The following NRXN1 variants were observed in gnomAD, a reference collection of about 807,000 sequenced individuals.
NRXN1 encodes the protein neurexin-1.
Under a neutral mutation model 150.9 loss-of-function variants are expected in NRXN1, and 39 were observed. That is an observed-to-expected ratio of 0.26 (90% CI 0.20 to 0.34). The LOEUF (loss-of-function observed/expected upper bound fraction) is 0.34. Among genes scored for constraint, NRXN1 ranks in the 10% least tolerant of loss-of-function variants. NRXN1 has a pLI of 1.00. For missense variants in NRXN1, 1,815 were observed against 1,949.9 expected (o/e 0.93, Z 1.30); for synonymous variants, 924 against 757.0 (o/e 1.22, Z -3.62).
At chr2:50,185,043 C>T (rs955641896) in intron 18 of NRXN1, among the ~76,000 whole-genome samples, 1 of 151,994 alleles carries the variant, frequency 6.6e-6, no homozygotes, top group African/African-American at 2.4e-5. Flanking sequence ...GTAGTGTGAC[C>T]TTGGAGGAGA....
rs1414594099 is a variant in NRXN1 at position 50,461,245 on chromosome 2, T to C, written c.3364+4197A>G. On this transcript the variant is annotated intron_variant, in intron 17 of 22. Coordinates refer to ENST00000401669, the MANE Select transcript of NRXN1 (RefSeq NM_001330078.2). ...AAATTCCTATCAGAAAGATTTTCTC[T>C]TGGCAAAGTTTAGGATTCTGAAAAC... 5.9e-5 allele frequency among the ~76,000 whole-genome samples: 9 copies of C among 152,074 alleles called. No homozygotes were observed. The East Asian group carries it at 1.7e-3, about 29-fold the overall frequency.
chr2:50,223,092 T>C (rs576955091), intron 18 of NRXN1, among the ~76,000 whole-genome samples: 9 of 152,070 alleles, frequency 5.9e-5, no homozygotes, highest in African/African-American at 2.2e-4. Context: ...CAGCCTGTCA[T>C]AAAATATTAT....
chr2:50,794,840 A>G (rs995620399), intron 5 of NRXN1, among the ~76,000 whole-genome samples: 4 of 152,234 alleles, frequency 2.6e-5, no homozygotes, highest in African/African-American at 9.6e-5. Context: ...TTTTTGAAAC[A>G]CAATTTTTTC....
intron 17 of NRXN1, among the ~76,000 whole-genome samples, chr2:50,365,521 T>A (rs2079523474): frequency 6.6e-6 from 1 of 152,068 alleles, no homozygotes; most frequent in Non-Finnish European, 1.5e-5. Flanking sequence ...GTGAATTACT[T>A]TTATGCCATA....
chr2:49,989,814 T>C (rs137898854), intron 21 of NRXN1, among the ~76,000 whole-genome samples: 131 of 152,296 alleles, frequency 8.6e-4, no homozygotes, highest in African/African-American at 3.0e-3. Flanking sequence ...ACCAATAAGA[T>C]GGTTTGACAT....
intron 8 of NRXN1, among the ~76,000 whole-genome samples, chr2:50,600,523 C>A (rs1676085244): frequency 6.6e-6 from 1 of 152,026 alleles, no homozygotes; most frequent in African/African-American, 2.4e-5. Context: ...CGGGGTTTCA[C>A]CATGTTGACC....
At chr2:50,176,998 A>G (rs1365468700) in intron 18 of NRXN1, among the ~76,000 whole-genome samples, 1 of 152,176 alleles carries the variant, frequency 6.6e-6, no homozygotes, top group Non-Finnish European at 1.5e-5. Flanking sequence ...AAAAGAGAAG[A>G]CATACATTAT....
At chr2:50,625,842 T>G (rs542796249) in intron 5 of NRXN1, among the ~76,000 whole-genome samples, 2 of 152,054 alleles carry the variant, frequency 1.3e-5, no homozygotes, top group African/African-American at 2.4e-5. Flanking sequence ...GTTGATACGC[T>G]GGTGATAAAT....
chr2:50,725,467 T>G (rs1697225274), intron 5 of NRXN1, among the ~76,000 whole-genome samples: 3 of 152,112 alleles, frequency 2.0e-5, no homozygotes. Context: ...CCACACTGAT[T>G]ACAGGTATTG....
intron 17 of NRXN1, among the ~76,000 whole-genome samples, chr2:50,452,623 G>C (rs2087080866): frequency 6.6e-6 from 1 of 152,088 alleles, no homozygotes; most frequent in South Asian, 2.1e-4. Context: ...TGGTAAACTG[G>C]AATCAATTTG....
chr2:50,163,670 C>A (rs1293724125), intron 18 of NRXN1, among the ~76,000 whole-genome samples: 1 of 152,088 alleles, frequency 6.6e-6, no homozygotes, highest in Admixed American at 6.6e-5. Context: ...TCAAACCTCA[C>A]AAAAATAGAA....
At chr2:50,860,068 T>C (rs1313014376) in intron 5 of NRXN1, among the ~76,000 whole-genome samples, 1 of 152,078 alleles carries the variant, frequency 6.6e-6, no homozygotes, top group Non-Finnish European at 1.5e-5. Flanking sequence ...ATCCTCATTC[T>C]TGTTCTTTCT....
intron 8 of NRXN1, among the ~76,000 whole-genome samples, chr2:50,566,921 C>T (rs1169453925): frequency 6.6e-6 from 1 of 152,086 alleles, no homozygotes; most frequent in Admixed American, 6.5e-5. Flanking sequence ...TAAAGGGACT[C>T]CTTATCCCTT....
chr2:50,303,860 T>C (rs947100396), intron 17 of NRXN1, among the ~76,000 whole-genome samples: 14 of 152,276 alleles, frequency 9.2e-5, no homozygotes, highest in South Asian at 8.3e-4. Context: ...CTGGAAATTT[T>C]TGACCTCCTC....
chr2:50,257,070 C>A (rs1048402471), intron 17 of NRXN1, among the ~76,000 whole-genome samples: 2 of 151,742 alleles, frequency 1.3e-5, no homozygotes, highest in Non-Finnish European at 2.9e-5. Context: ...ATTTTTTTAA[C>A]CTTATGAGGC....
intron 18 of NRXN1, among the ~76,000 whole-genome samples, chr2:50,183,023 G>C (rs1427212665): frequency 6.6e-6 from 1 of 152,060 alleles, no homozygotes; most frequent in Non-Finnish European, 1.5e-5. Flanking sequence ...GAATGATATT[G>C]AGTCTAAACC....
chr2:50,011,071 A>G (rs1685584022), intron 21 of NRXN1, among the ~76,000 whole-genome samples: 1 of 152,160 alleles, frequency 6.6e-6, no homozygotes, highest in Admixed American at 6.6e-5. Context: ...AGTTTTTACA[A>G]TCTTTGTATA....
chr2:50,920,721 C>T (rs1322897736), intron 5 of NRXN1, among the ~76,000 whole-genome samples: 1 of 151,692 alleles, frequency 6.6e-6, no homozygotes, highest in Non-Finnish European at 1.5e-5. Context: ...ATAATTGATA[C>T]ATACTGTCAT....
intron 17 of NRXN1, among the ~76,000 whole-genome samples, chr2:50,459,804 T>C (rs2087974976): frequency 6.6e-6 from 1 of 152,128 alleles, no homozygotes; most frequent in Non-Finnish European, 1.5e-5. Context: ...CACGGGCTTT[T>C]GGTACATCAT....
Sources: allele counts gnomAD v4.1 joint callset (sites outside exome capture counted in the v4.1 genomes callset), GRCh38; gene constraint gnomAD v4.1.1; transcripts MANE v1.5; gene names NCBI Gene and HGNC (gene_info 2026-07-23, HGNC 2026-07-21).